The following ADGRL3 variants were observed in gnomAD, a reference collection of about 807,000 sequenced individuals.
ADGRL3 encodes the protein calcium-independent alpha-latrotoxin receptor 3.
Under a neutral mutation model 153.5 loss-of-function variants are expected in ADGRL3, and 62 were observed. The observed-to-expected ratio is 0.40, with a 90% CI of 0.33 to 0.50. ADGRL3 has a LOEUF of 0.50. ADGRL3 is among the 20% of genes least tolerant of loss of function. The probability of loss-of-function intolerance (pLI) is 0.47; values close to 1 mark genes in which losing one functional copy is unlikely to be tolerated. For synonymous variants in ADGRL3, 710 were observed against 672.5 expected (o/e 1.06, Z -0.86); for missense variants, 1,641 against 1,859.4 (o/e 0.88, Z 2.16).
At chr4:61,878,775 T>C (rs2098491245) in intron 9 of ADGRL3, among the ~76,000 whole-genome samples, 1 of 152,194 alleles carries the variant, frequency 6.6e-6, no homozygotes, top group Non-Finnish European at 1.5e-5. Context: ...TTCATGGTGC[T>C]TTTGGGGTAA....
chr4:61,915,009 G>T (rs959337242), intron 13 of ADGRL3, among the ~76,000 whole-genome samples: 2 of 151,896 alleles, frequency 1.3e-5, no homozygotes, highest in Non-Finnish European at 2.9e-5. Context: ...TTATTCTTGC[G>T]CATTTCATTC....
At chr4:61,870,005 A>T (rs201643130) in intron 9 of ADGRL3, among the ~76,000 whole-genome samples, 2 of 141,448 alleles carry the variant, frequency 1.4e-5, no homozygotes, top group Non-Finnish European at 3.1e-5. Flanking sequence ...AGAGAGAGAG[A>T]GAGAGAAAGG....
Position 61,234,947 on chromosome 4 carries a change from T to C in ADGRL3, c.-240+33182T>C, listed in dbSNP as rs17090418. Among the ~76,000 whole-genome samples the C allele has an allele frequency of 8.4e-3, 1,274 of 152,270 alleles. 18 individuals carry two copies. Among genetic ancestry groups the C allele is most frequent in the African/African-American group, 0.028 (1,153 of 41,550 alleles). ...TCATTTGCTCTTTCAAGATATGAGA[T>C]GCTTGAATGTGATTATGAGTTGCAT... is the stretch of plus-strand genomic sequence containing the variant. On this transcript the variant is annotated intron_variant, in intron 1 of 26. Coordinates refer to ENST00000683033, the MANE Select transcript of ADGRL3 (RefSeq NM_001387552.1).
At chr4:61,747,734 A>C (rs373396690) in intron 8 of ADGRL3, among the ~76,000 whole-genome samples, 1 of 149,220 alleles carries the variant, frequency 6.7e-6, no homozygotes, top group African/African-American at 2.5e-5. Context: ...ATCTATGACA[A>C]ACCCACAGCC....
rs201257994 is a variant in ADGRL3, at chr4:61,362,016, A to G, written c.-239-21108A>G. ...TATATAAATACATATATTTTTTAAT[A>G]AATTGCAACAGAGTCTTGCTCTGTC... On this transcript the variant is annotated intron_variant, in intron 1 of 26. Transcript: ENST00000683033. Among the ~76,000 whole-genome samples, 8 of 149,642 alleles carry G rather than the reference A, an allele frequency of 5.3e-5. No individual in the cohort carries two copies. In the East Asian group the frequency reaches 1.4e-3, roughly 26 times the overall value.
chr4:61,379,272 A>T (rs959139593), intron 1 of ADGRL3, among the ~76,000 whole-genome samples: 4 of 152,128 alleles, frequency 2.6e-5, no homozygotes, highest in South Asian at 4.1e-4. Flanking sequence ...GGACTGTCGT[A>T]AATGTGATAA....
chr4:61,543,757 G>A (rs547114022), intron 4 of ADGRL3, among the ~76,000 whole-genome samples: 9 of 152,270 alleles, frequency 5.9e-5, no homozygotes, highest in Middle Eastern at 3.4e-3. Context: ...AAATGCATAG[G>A]TGGTGGTGTG....
intron 8 of ADGRL3, among the ~76,000 whole-genome samples, chr4:61,777,502 G>C (rs1380777394): frequency 6.6e-6 from 1 of 152,024 alleles, no homozygotes; most frequent in Non-Finnish European, 1.5e-5. Flanking sequence ...AAACATTTTA[G>C]TGAATATATT....
chr4:61,647,789 A>C (rs139929681), intron 5 of ADGRL3, among the ~76,000 whole-genome samples: 2 of 152,248 alleles, frequency 1.3e-5, no homozygotes, highest in Middle Eastern at 3.4e-3. Flanking sequence ...AAATTATATA[A>C]ATAGAAAACA....
intron 4 of ADGRL3, among the ~76,000 whole-genome samples, chr4:61,581,455 G>C (rs1332920809): frequency 6.6e-6 from 1 of 151,912 alleles, no homozygotes; most frequent in Non-Finnish European, 1.5e-5. Context: ...TGCCCTCCAC[G>C]GGACAATTCC....
chr4:61,835,337 G>GAAAAAAAAAAA (rs34440166), intron 9 of ADGRL3, among the ~76,000 whole-genome samples: 2 of 33,054 alleles, frequency 6.1e-5, no homozygotes, highest in Admixed American at 4.6e-4. Flanking sequence ...TGGCAAGACT[G>GAAAAAAAAAAA]AAAAAAAAAA....
chr4:61,763,045 A>G (rs947705287), intron 8 of ADGRL3, among the ~76,000 whole-genome samples: 5 of 152,168 alleles, frequency 3.3e-5, no homozygotes, highest in Non-Finnish European at 7.4e-5. Context: ...TCCCCTTAAA[A>G]AAAGAAATAT....
chr4:61,554,185 T>C (rs958485209), intron 4 of ADGRL3, among the ~76,000 whole-genome samples: 3 of 148,190 alleles, frequency 2.0e-5, no homozygotes, highest in Non-Finnish European at 4.4e-5. Flanking sequence ...TATTTTATTT[T>C]ATTTTATTTT....
At chr4:61,285,584 G>A (rs925851166) in intron 1 of ADGRL3, among the ~76,000 whole-genome samples, 1 of 151,820 alleles carries the variant, frequency 6.6e-6, no homozygotes, top group Non-Finnish European at 1.5e-5. Flanking sequence ...ATTCAAGACA[G>A]TTAGGCATTG....
At chr4:61,947,146 G>T in intron 16 of ADGRL3, 24 bp downstream of exon 16, 1 of 1,561,174 alleles carries the variant, frequency 6.4e-7, no homozygotes. Context: ...ATATTAGCTT[G>T]GTTGTTCATA....
intron 1 of ADGRL3, among the ~76,000 whole-genome samples, chr4:61,348,930 G>A (rs1273815171): frequency 6.6e-6 from 1 of 151,968 alleles, no homozygotes; most frequent in East Asian, 1.9e-4. Context: ...AAAGAATTCT[G>A]GAGTTGGACC....
At chr4:61,375,614 G>A (rs2096594201) in intron 1 of ADGRL3, among the ~76,000 whole-genome samples, 1 of 152,082 alleles carries the variant, frequency 6.6e-6, no homozygotes, top group African/African-American at 2.4e-5. Context: ...TAATATATAT[G>A]TTGAAAGCTG....
At chr4:61,457,371 A>T (rs2097766296) in intron 2 of ADGRL3, among the ~76,000 whole-genome samples, 1 of 151,998 alleles carries the variant, frequency 6.6e-6, no homozygotes, top group Admixed American at 6.6e-5. Context: ...TAATTAAATC[A>T]CTTACCTTTT....
chr4:61,488,218 T>G (rs2098218649), intron 2 of ADGRL3, among the ~76,000 whole-genome samples: 1 of 152,054 alleles, frequency 6.6e-6, no homozygotes, highest in African/African-American at 2.4e-5. Flanking sequence ...AATGAAACTT[T>G]TATGCTAGAA....
Sources: gnomAD v4.1 joint callset for allele counts (sites outside exome capture counted in the v4.1 genomes callset) on GRCh38, gnomAD v4.1.1 for gene constraint, MANE v1.5 for transcripts, NCBI Gene and HGNC (gene_info 2026-07-23, HGNC 2026-07-21) for gene names.